PLCZ1: variants seen among roughly 807,000 people sequenced by gnomAD.
PLCZ1 encodes phospholipase C zeta 1, also known as 1-phosphatidylinositol 4,5-bisphosphate phosphodiesterase zeta-1.
In PLCZ1, 64 loss-of-function variants were observed where a neutral mutation model predicts 76.8. The observed-to-expected ratio is 0.83, with a 90% CI of 0.68 to 1.03. The LOEUF (loss-of-function observed/expected upper bound fraction) is 1.03, where lower values mean the gene tolerates loss of function less well. Ranked by LOEUF, PLCZ1 falls within the 50% of genes least tolerant of loss-of-function variation. The pLI is 0.00. For synonymous variants in PLCZ1, 248 were observed against 230.8 expected (o/e 1.07, Z -0.68); for missense variants, 751 against 713.7 (o/e 1.05, Z -0.60).
Position 18,736,333 on chromosome 12 carries a change from G to A in PLCZ1, c.23C>T (p.Ser8Leu), listed in dbSNP as rs1436760090. 6.2e-7 allele frequency: 1 copy of A among 1,611,722 alleles called. No homozygotes were observed. Among genetic ancestry groups the A allele is most frequent in the Non-Finnish European group, 8.5e-7 (1 of 1,179,074 alleles). Residue 8 changes from serine to leucine, a missense_variant, in exon 3 of 15, where the codon TCA (serine) becomes TTA (leucine). Transcript: ENST00000266505. MEMRWFL[S>L]KIQDDFRGGK... ...ACCTCTGAAGTCATCCTGAATCTTT[G>A]ACAAAAACCATGTAGAAGCACAAAA...
At chr12:18,668,175 GA>G in the PLCZ1 span, among the ~76,000 whole-genome samples, 2 of 151,960 alleles carry the variant, frequency 1.3e-5, no homozygotes, top group East Asian at 1.9e-4. Context: ...AATTTAAAAA[GA>G]AAAAAAGTCC....
chr12:18,737,251 A>T (rs1959452692), intron 2 of PLCZ1, 110 bp downstream of exon 2: 1 of 1,198,198 alleles, frequency 8.3e-7, no homozygotes, highest in Non-Finnish European at 1.2e-6. Flanking sequence ...AGTTCAACTT[A>T]AATGAAGAGG....
the PLCZ1 span, among the ~76,000 whole-genome samples, chr12:18,650,704 G>GTGTGTGTATA: frequency 1.7e-5 from 1 of 57,764 alleles, no homozygotes; most frequent in African/African-American, 5.2e-5. Context: ...GTGTGTGTGT[G>GTGTGTGTATA]TATATATCTA....
chr12:18,701,534 C>T lies in PLCZ1; in HGVS notation c.984G>A (p.Lys328=). 1 of 1,613,914 alleles carries T rather than the reference C, an allele frequency of 6.2e-7. No homozygotes were observed. Among genetic ancestry groups the T allele is most frequent in the Non-Finnish European group, 8.5e-7 (1 of 1,179,948 alleles). Reference sequence around the variant, plus strand: ...TCTTGAAAAGCATTACTCCAGGTAACTTTTTTACCCCTGTTTCCTTGTCTT... The same window carrying T: ...TCTTGAAAAGCATTACTCCAGGTAATTTTTTTACCCCTGTTTCCTTGTCTT... The part of the protein sequence containing the change: ...DNQDKETGVK[K]LPGVMLFKKK... Residue 328 remains lysine, a synonymous_variant, in exon 9 of 15, where the codon AAG becomes AAA. Transcript: ENST00000266505.
chr12:18,721,551 C>T (rs985763252), intron 4 of PLCZ1, among the ~76,000 whole-genome samples: 11 of 151,940 alleles, frequency 7.2e-5, no homozygotes, highest in African/African-American at 2.7e-4. Context: ...TAATTTACCA[C>T]CTGAAGTTTA....
At chr12:18,715,943 T>A (rs1031544550) in intron 5 of PLCZ1, 1 of 152,172 alleles carries the variant, frequency 6.6e-6, no homozygotes, top group Non-Finnish European at 1.5e-5. Flanking sequence ...AGAATATTCA[T>A]AGAGAAATCT....
the PLCZ1 span, among the ~76,000 whole-genome samples, chr12:18,665,560 A>G: frequency 6.6e-6 from 1 of 152,168 alleles, no homozygotes; most frequent in African/African-American, 2.4e-5. Flanking sequence ...TGGGAGGCCA[A>G]GGCAGGCAGA....
rs1952743950 is a variant in PLCZ1, at chr12:18,684,157, T to G, written c.1714A>C (p.Thr572Pro). 4 of 1,611,980 alleles carry G rather than the reference T, an allele frequency of 2.5e-6. No individual in the cohort carries two copies. Among genetic ancestry groups the G allele is most frequent in the Non-Finnish European group, 2.5e-6 (3 of 1,178,740 alleles). Reference protein sequence around the residue: ...IAGNEFLGQYTLPLLCMNKGY... With the variant: ...IAGNEFLGQYPLPLLCMNKGY... ...TTGTTCATGCATAGAAGTGGCAAAG[T>G]ATATTGCCCAAGAAATTCATTTCCT... Residue 572 changes from threonine (T) to proline (P), a missense_variant, in exon 14 of 15, where the codon ACT becomes CCT. Transcript: ENST00000266505.
At chr12:18,688,339 T>C (rs773967976) in intron 12 of PLCZ1, 121 bp from the exon 13 acceptor site, 7 of 1,009,042 alleles carry the variant, frequency 6.9e-6, no homozygotes, top group Admixed American at 4.9e-5. Context: ...CCCACAAACA[T>C]TGAAAGTGGA....
At chr12:18,686,600 A>G (rs990247736) in intron 13 of PLCZ1, among the ~76,000 whole-genome samples, 1 of 151,960 alleles carries the variant, frequency 6.6e-6, no homozygotes, top group South Asian at 2.1e-4. Context: ...CTTGTCCCCA[A>G]TCTCTAAAAA....
At chr12:18,729,817 T>C (rs1247073004) in intron 3 of PLCZ1, among the ~76,000 whole-genome samples, 1 of 152,036 alleles carries the variant, frequency 6.6e-6, no homozygotes, top group Non-Finnish European at 1.5e-5. Flanking sequence ...TCAGAATATA[T>C]TGCCAAGATC....
chr12:18,736,211 G>A lies in PLCZ1; in HGVS notation c.135+10C>T, dbSNP rs748389408. On this transcript the variant is annotated intron_variant, in intron 3 of 14. Coordinates refer to ENST00000266505, the MANE Select transcript of PLCZ1 (RefSeq NM_033123.4). ...AGGATAGGATAGGCAGGGGGTGGAT[G>A]TCATCTTACCTTAAAAATCTGTTTC... The A allele has an allele frequency of 8.3e-5, 134 of 1,611,072 alleles. No homozygotes were observed. The highest frequency in any genetic ancestry group is 1.1e-4 in the Non-Finnish European group (127 of 1,178,094).
chr12:18,723,379 T>C lies in PLCZ1; in HGVS notation c.299A>G (p.Gln100Arg). 6.2e-7 allele frequency: 1 copy of C among 1,613,050 alleles called. No individual in the cohort carries two copies. Among genetic ancestry groups the C allele is most frequent in the Non-Finnish European group, 8.5e-7 (1 of 1,179,476 alleles). Reference protein sequence around the residue: ...SNLAQFLTQEQYAAEMSKAIA... With the variant: ...SNLAQFLTQERYAAEMSKAIA... The stretch of plus-strand genomic sequence containing the variant: ...AGCTTTACTCATCTCAGCTGCATAT[T>C]GTTCTTGTGTCAGAAATTGAGCCAG... Residue 100 changes from glutamine to arginine, a missense_variant, in exon 4 of 15, where the codon CAA becomes CGA. Gln to Arg is a conservative substitution (Grantham distance 43). Transcript: ENST00000266505.
intron 5 of PLCZ1, among the ~76,000 whole-genome samples, chr12:18,718,681 A>G (rs1485544428): frequency 4.6e-5 from 7 of 152,164 alleles, no homozygotes; most frequent in Non-Finnish European, 5.9e-5. Flanking sequence ...CTTTACCCTA[A>G]GTAACACCCT....
intron 5 of PLCZ1, among the ~76,000 whole-genome samples, chr12:18,714,056 C>T (rs189381099): frequency 1.1e-3 from 160 of 152,256 alleles, no homozygotes; most frequent in Non-Finnish European, 1.5e-3. Context: ...ATAGGGATGT[C>T]TCAAAATCTT....
chr12:18,725,676 AT>A (rs1328723222), intron 3 of PLCZ1, among the ~76,000 whole-genome samples: 2 of 152,128 alleles, frequency 1.3e-5, no homozygotes, highest in African/African-American at 4.8e-5. Flanking sequence ...TTCTGCTCTT[AT>A]CTTTTTCCTC....
At chr12:18,736,945 T>C (rs533239016) in intron 2 of PLCZ1, among the ~76,000 whole-genome samples, 1 of 137,306 alleles carries the variant, frequency 7.3e-6, no homozygotes, top group Non-Finnish European at 1.6e-5. Flanking sequence ...ATATTTGGTA[T>C]GAAAAACGAA....
At chr12:18,675,264 C>G in the PLCZ1 span, among the ~76,000 whole-genome samples, 7 of 152,130 alleles carry the variant, frequency 4.6e-5, no homozygotes, top group Admixed American at 4.6e-4. Context: ...CTTAGTCCAG[C>G]CAAATTGTAG....
At chr12:18,686,937 T>C (rs1217633896) in intron 13 of PLCZ1, among the ~76,000 whole-genome samples, 2 of 151,970 alleles carry the variant, frequency 1.3e-5, no homozygotes, top group African/African-American at 2.4e-5. Context: ...AATCACAGTA[T>C]TATAAGGGGT....
Sources: allele counts gnomAD v4.1 joint callset (sites outside exome capture counted in the v4.1 genomes callset), GRCh38; gene constraint gnomAD v4.1.1; transcripts MANE v1.5; gene names NCBI Gene and HGNC (gene_info 2026-07-23, HGNC 2026-07-21).